ABI3BP: variants seen among roughly 807,000 people sequenced by gnomAD.
ABI3BP encodes the protein target of Nesh-SH3.
ABI3BP carries 216 observed loss-of-function variants against 268.6 expected under a neutral mutation model. The ratio of observed to expected loss-of-function variants is 0.80; its 90% CI spans 0.72 to 0.90. The LOEUF is 0.90. ABI3BP is among the 40% of genes least tolerant of loss of function. The pLI is 0.00. For synonymous variants in ABI3BP, 730 were observed against 730.0 expected, an observed-to-expected ratio of 1.00 and a Z score of 0.00; for missense variants, 2,090 against 2,182.4, an observed-to-expected ratio of 0.96 and a Z score of 0.84.
intron 28 of ABI3BP, among the ~76,000 whole-genome samples, chr3:100,835,192 AT>A (rs1370761894): frequency 2.6e-5 from 4 of 152,218 alleles, no homozygotes; most frequent in African/African-American, 9.7e-5. Context: ...GTTTTCTAAA[AT>A]AGTTGGTAGA....
In ABI3BP at chr3:100,894,956, A is replaced by AAAAAAAACAAAAACAAAC. The variant is rs1282920182; in HGVS notation, c.461+3805_461+3806insGTTTGTTTTTGTTTTTTT. On this transcript the variant is annotated intron_variant, in intron 4 of 67. Coordinates refer to ENST00000471714, the MANE Select transcript of ABI3BP (RefSeq NM_001375547.2). ...TCCGCTTCAAAAAAAAAAAAAAAAA[A>AAAAAAAACAAAAACAAAC]AAAAAAAAAAACAGAAAAAAAAAAC... Among the ~76,000 whole-genome samples, 193 of 131,514 alleles carry AAAAAAAACAAAAACAAAC rather than the reference A, an allele frequency of 1.5e-3. 2 individuals are homozygous for AAAAAAAACAAAAACAAAC. Among genetic ancestry groups the AAAAAAAACAAAAACAAAC allele is most frequent in the Non-Finnish European group, 2.8e-3 (159 of 57,478 alleles). 86.3% of individuals were successfully genotyped at this position (131,514 alleles called of 152,430 possible).
chr3:100,855,600 G>A (rs2098930287), intron 14 of ABI3BP, among the ~76,000 whole-genome samples: 1 of 152,226 alleles, frequency 6.6e-6, no homozygotes, highest in African/African-American at 2.4e-5. Context: ...GGTAGCTTAA[G>A]CTCTTAGTAA....
At chr3:100,838,313 T>C (rs1295118554) in intron 25 of ABI3BP, 29 bp from the exon 26 acceptor site, 2 of 1,529,918 alleles carry the variant, frequency 1.3e-6, no homozygotes, top group Admixed American at 3.9e-5. Context: ...CCATAATTAG[T>C]GTTACGGCTG....
At chr3:100,872,844 T>C (rs2099122886) in intron 9 of ABI3BP, among the ~76,000 whole-genome samples, 1 of 152,142 alleles carries the variant, frequency 6.6e-6, no homozygotes, top group Admixed American at 6.5e-5. Context: ...CCAGAGTCAC[T>C]TGACTATTTT....
intron 4 of ABI3BP, among the ~76,000 whole-genome samples, chr3:100,892,194 T>C (rs753429428): frequency 9.9e-5 from 15 of 152,072 alleles, no homozygotes; most frequent in Non-Finnish European, 2.1e-4. Flanking sequence ...TGAGTAGTAA[T>C]GAAGGAAGCT....
intron 1 of ABI3BP, among the ~76,000 whole-genome samples, chr3:100,984,042 C>A (rs1051183487): frequency 6.6e-6 from 1 of 152,018 alleles, no homozygotes; most frequent in African/African-American, 2.4e-5. Context: ...ACTCTGTACT[C>A]ATCAAGAAAG....
In ABI3BP at chr3:100,976,689, G is replaced by T. The variant is rs896261864; in HGVS notation, c.79+16617C>A. Among the ~76,000 whole-genome samples the T allele has an allele frequency of 1.6e-4, 24 of 152,322 alleles. 1 individual carries two copies. The East Asian group carries it at 4.2e-3, about 27-fold the overall frequency. On this transcript the variant is annotated intron_variant, in intron 1 of 67. Coordinates refer to ENST00000471714, the MANE Select transcript of ABI3BP (RefSeq NM_001375547.2). ...GCCATGGCATAAGTTTCAAGATGGG[G>T]TCTAAGCTAAGACCAAGGAGATGAA...
At position 100,886,258 on chromosome 3, in the gene ABI3BP, G is replaced by A; in HGVS notation, c.527C>T (p.Ala176Val). The A allele has an allele frequency of 6.2e-7, 1 of 1,610,186 alleles. No homozygotes were observed. The highest frequency in any genetic ancestry group is 8.5e-7 in the Non-Finnish European group (1 of 1,177,876). ...EKKWIFQICPATETIVENLKP... is the reference protein window; with the variant it reads ...EKKWIFQICPVTETIVENLKP... ...TAGGTTTTCCACAATTGTTTCAGTG[G>A]CTGGACAGATTTGAAAAATCCACTT... Residue 176 changes from alanine to valine, a missense_variant, in exon 5 of 68, where the codon GCC becomes GTC. Coordinates refer to ENST00000471714, the MANE Select transcript of ABI3BP (RefSeq NM_001375547.2).
At chr3:100,952,597 C>G (rs2075464632) in intron 1 of ABI3BP, 1 of 151,944 alleles carries the variant, frequency 6.6e-6, no homozygotes, top group South Asian at 2.1e-4. Flanking sequence ...TTAAAAGAAG[C>G]AAATAGGTAT....
chr3:100,795,546 T>C (rs1436940), intron 53 of ABI3BP, among the ~76,000 whole-genome samples: 152,150 of 152,174 alleles, frequency 1, 76,063 homozygotes, highest in Middle Eastern at 1. Flanking sequence ...TTAGTAAACA[T>C]ACTGGACTCA....
Position 100,875,509 on chromosome 3 carries a change from T to C in ABI3BP, c.816A>G (p.Leu272=). The C allele has an allele frequency of 6.2e-7, 1 of 1,606,452 alleles. No individual in the cohort carries two copies. Among genetic ancestry groups the C allele is most frequent in the South Asian group, 1.1e-5 (1 of 90,918 alleles). The part of the protein sequence containing the change: ...PEKAPLGGVI[L]VHLIIPGLNE... ...GCATAGATTTCGAGATCCACTCACC[T>C]AGTATCACTCCTCCCAGTGGAGCTT... The change falls in exon 8 of 68, where the codon CTA becomes CTG. Residue 272 remains leucine (L), a splice_region_variant and synonymous_variant. Coordinates refer to ENST00000471714, the MANE Select transcript of ABI3BP (RefSeq NM_001375547.2).
intron 43 of ABI3BP, chr3:100,816,201 AC>A (rs2098037318): frequency 8.0e-6 from 4 of 502,170 alleles, no homozygotes; most frequent in South Asian, 6.5e-5. Context: ...GATATTATCC[AC>A]ATGAGGTTTT....
intron 20 of ABI3BP, chr3:100,844,407 A>G (rs1172221253): frequency 2.0e-6 from 2 of 985,324 alleles, no homozygotes; most frequent in Non-Finnish European, 2.4e-6. Context: ...TTGTACTTAT[A>G]AAACAAGCCC....
At chr3:100,913,175 G>A (rs942081537) in intron 2 of ABI3BP, among the ~76,000 whole-genome samples, 3 of 152,110 alleles carry the variant, frequency 2.0e-5, no homozygotes, top group Non-Finnish European at 4.4e-5. Context: ...ACAAAGAACT[G>A]ACTAATAAAA....
At chr3:100,931,205 G>A (rs761224329) in intron 1 of ABI3BP, among the ~76,000 whole-genome samples, 7 of 151,932 alleles carry the variant, frequency 4.6e-5, no homozygotes, top group South Asian at 2.1e-4. Flanking sequence ...AATAATAAGA[G>A]CCATCTATGA....
At chr3:100,927,021 G>T (rs1285828448) in intron 1 of ABI3BP, among the ~76,000 whole-genome samples, 1 of 152,068 alleles carries the variant, frequency 6.6e-6, no homozygotes, top group African/African-American at 2.4e-5. Context: ...AGTTCCATTG[G>T]GAGTACATCT....
At chr3:100,779,706 A>C (rs1157615175) in intron 58 of ABI3BP, among the ~76,000 whole-genome samples, 1 of 152,110 alleles carries the variant, frequency 6.6e-6, no homozygotes, top group African/African-American at 2.4e-5. Flanking sequence ...CTGAGTCACC[A>C]GATTCATACT....
chr3:100,757,746 G>T (rs1051324557), intron 63 of ABI3BP, among the ~76,000 whole-genome samples: 1 of 152,164 alleles, frequency 6.6e-6, no homozygotes, highest in South Asian at 2.1e-4. Flanking sequence ...ATAGAACAAA[G>T]AAATGACTGG....
At chr3:100,990,638 G>A (rs918396679) in intron 1 of ABI3BP, among the ~76,000 whole-genome samples, 1 of 150,194 alleles carries the variant, frequency 6.7e-6, no homozygotes, top group Non-Finnish European at 1.5e-5. Flanking sequence ...ATGTTCTTAG[G>A]AAGAAAAGTT....
Sources: allele counts gnomAD v4.1 joint callset (sites outside exome capture counted in the v4.1 genomes callset), GRCh38; gene constraint gnomAD v4.1.1; transcripts MANE v1.5; gene names NCBI Gene and HGNC (gene_info 2026-07-23, HGNC 2026-07-21).